The following PDZRN3 variants were observed in gnomAD, a reference collection of about 807,000 sequenced individuals.
PDZRN3 encodes the protein E3 ubiquitin-protein ligase PDZRN3.
PDZRN3 carries 38 observed loss-of-function variants against 85.7 expected under a neutral mutation model. The observed-to-expected ratio is 0.44, with a 90% CI of 0.34 to 0.58. The LOEUF is 0.58. Among genes scored for constraint, PDZRN3 ranks in the 20% least tolerant of loss-of-function variants. The pLI is 0.01. For synonymous variants in PDZRN3, 759 were observed against 638.0 expected (o/e 1.19, Z -2.86); for missense variants, 1,629 against 1,506.4 (o/e 1.08, Z -1.35).
intron 3 of PDZRN3, among the ~76,000 whole-genome samples, chr3:73,426,708 G>A (rs1702322540): frequency 6.6e-6 from 1 of 152,144 alleles, no homozygotes; most frequent in African/African-American, 2.4e-5. Context: ...TCCTAAACGT[G>A]AACTTGCGCC....
At chr3:73,605,186 G>A (rs1005886189) in intron 2 of PDZRN3, among the ~76,000 whole-genome samples, 6 of 147,782 alleles carry the variant, frequency 4.1e-5, no homozygotes, top group Non-Finnish European at 7.4e-5. Context: ...CAACCTGGGT[G>A]ACAGAGTGAG....
intron 3 of PDZRN3, among the ~76,000 whole-genome samples, chr3:73,563,257 G>T (rs561058355): frequency 2.0e-5 from 3 of 150,590 alleles, no homozygotes; most frequent in African/African-American, 4.9e-5. Context: ...GGATGGTCTC[G>T]ATCTCCTGAC....
intron 3 of PDZRN3, among the ~76,000 whole-genome samples, chr3:73,599,076 T>C (rs1486765049): frequency 6.6e-6 from 1 of 152,220 alleles, no homozygotes; most frequent in Non-Finnish European, 1.5e-5. Flanking sequence ...TACCTGAGCA[T>C]AGACCTAGCT....
intron 3 of PDZRN3, among the ~76,000 whole-genome samples, chr3:73,471,272 C>G (rs1703334530): frequency 6.6e-6 from 1 of 152,108 alleles, no homozygotes; most frequent in Non-Finnish European, 1.5e-5. Flanking sequence ...GGCAAACCAT[C>G]CAGCAGCTAG....
At chr3:73,620,893 A>T (rs1395624825) in intron 1 of PDZRN3, among the ~76,000 whole-genome samples, 1 of 152,236 alleles carries the variant, frequency 6.6e-6, no homozygotes, top group Non-Finnish European at 1.5e-5. Context: ...TCTGGGTTTT[A>T]AAATTTTATC....
At chr3:73,522,539 C>T (rs550440785) in intron 3 of PDZRN3, among the ~76,000 whole-genome samples, 5 of 152,154 alleles carry the variant, frequency 3.3e-5, no homozygotes, top group African/African-American at 4.8e-5. Context: ...ATGGTAAGAC[C>T]TCAGAAATTT....
intron 1 of PDZRN3, among the ~76,000 whole-genome samples, chr3:73,623,236 CAAA>C (rs1702895271): frequency 6.6e-6 from 1 of 152,202 alleles, no homozygotes; most frequent in South Asian, 2.1e-4. Context: ...TGAAGCCTGA[CAAA>C]AACCTTTCGC....
At chr3:73,416,122 G>A (rs1702077243) in intron 3 of PDZRN3, among the ~76,000 whole-genome samples, 1 of 151,858 alleles carries the variant, frequency 6.6e-6, no homozygotes. Context: ...CATGGGAGTT[G>A]GCTGCTGTGT....
At chr3:73,541,171 A>T (rs1362568746) in intron 3 of PDZRN3, among the ~76,000 whole-genome samples, 1 of 152,206 alleles carries the variant, frequency 6.6e-6, no homozygotes, top group East Asian at 1.9e-4. Flanking sequence ...TTAGTCATCA[A>T]AGTATGACTC....
chr3:73,512,946 CTTTCA>C, intron 3 of PDZRN3, among the ~76,000 whole-genome samples: 1 of 152,170 alleles, frequency 6.6e-6, no homozygotes, highest in Non-Finnish European at 1.5e-5. Flanking sequence ...ACTTGTATTG[CTTTCA>C]TTTATTTTAA....
intron 5 of PDZRN3, among the ~76,000 whole-genome samples, chr3:73,395,343 T>A (rs1205111250): frequency 6.6e-6 from 1 of 152,240 alleles, no homozygotes; most frequent in Admixed American, 6.5e-5. Context: ...CAAAGAAGAC[T>A]ATTAATCAAA....
At chr3:73,482,151 T>C (rs35761076) in intron 3 of PDZRN3, among the ~76,000 whole-genome samples, 8,017 of 152,344 alleles carry the variant, frequency 0.053, 264 homozygotes, top group Middle Eastern at 0.088. Context: ...AGGTATGAGA[T>C]AGAAGCAGGG....
chr3:73,492,362 G>T (rs529253346), intron 3 of PDZRN3, among the ~76,000 whole-genome samples: 67 of 152,264 alleles, frequency 4.4e-4, no homozygotes, highest in Admixed American at 4.4e-3. Context: ...CTGTGAGCTC[G>T]CTACGGTCCC....
chr3:73,565,771 C>G (rs1035946678), intron 3 of PDZRN3, among the ~76,000 whole-genome samples: 13 of 148,200 alleles, frequency 8.8e-5, no homozygotes, highest in Admixed American at 3.4e-4. Context: ...AACCCTGTCT[C>G]TACTAAAAAT....
At chr3:73,554,400 C>T (rs577702362) in intron 3 of PDZRN3, among the ~76,000 whole-genome samples, 6 of 151,394 alleles carry the variant, frequency 4.0e-5, no homozygotes, top group African/African-American at 1.2e-4. Context: ...AAGATGAGAA[C>T]AAGGCCAGAC....
At chr3:73,616,169 G>C (rs1205436109) in intron 1 of PDZRN3, among the ~76,000 whole-genome samples, 1 of 152,220 alleles carries the variant, frequency 6.6e-6, no homozygotes. Context: ...CTTCTGCCAT[G>C]ATCGGAAGCA....
intron 1 of PDZRN3, among the ~76,000 whole-genome samples, chr3:73,616,819 T>C (rs1702769652): frequency 6.6e-6 from 1 of 152,172 alleles, no homozygotes; most frequent in South Asian, 2.1e-4. Context: ...AGGCATATTA[T>C]GATCCCATTT....
Position 73,416,876 on chromosome 3 carries a change from G to GTTTT in PDZRN3, c.919-12485_919-12482dup, listed in dbSNP as rs146381615. Among the ~76,000 whole-genome samples, 424 of 110,258 alleles carry GTTTT rather than the reference G, an allele frequency of 3.8e-3. 21 individuals carry two copies. Among genetic ancestry groups the GTTTT allele is most frequent in the Non-Finnish European group, 5.3e-3 (288 of 54,848 alleles). 72.3% of individuals were successfully genotyped at this position (110,258 alleles called of 152,430 possible). On this transcript the variant is annotated intron_variant, in intron 3 of 9. Coordinates refer to ENST00000263666, the MANE Select transcript of PDZRN3 (RefSeq NM_015009.3). ...TTTTTTTTTTGTTTGTTTTTTTTTG[G>GTTTT]TTTTTTTTTTTTTTTTTTTTTTTTT...
chr3:73,388,930 C>CAATCA (rs1701457758), intron 7 of PDZRN3, among the ~76,000 whole-genome samples: 1 of 67,670 alleles, frequency 1.5e-5, no homozygotes, highest in African/African-American at 5.3e-5. Flanking sequence ...CTCCAGCAAT[C>CAATCA]AAAAAAAAAA....
Sources: allele counts gnomAD v4.1 joint callset (sites outside exome capture counted in the v4.1 genomes callset), GRCh38; gene constraint gnomAD v4.1.1; transcripts MANE v1.5; gene names NCBI Gene and HGNC (gene_info 2026-07-23, HGNC 2026-07-21).